Variants in WASF2 observed in about 807,000 individuals in gnomAD.
The protein encoded by WASF2 is actin-binding protein WASF2.
A neutral mutation model predicts 45.0 loss-of-function variants in WASF2; 14 were observed. That is an observed-to-expected ratio of 0.31 (90% CI 0.21 to 0.49). The LOEUF (loss-of-function observed/expected upper bound fraction) is 0.49, where lower values mean the gene tolerates loss of function less well. WASF2 is among the 20% of genes least tolerant of loss of function. WASF2 has a pLI of 0.99. For synonymous variants in WASF2, 200 were observed against 236.3 expected, an observed-to-expected ratio of 0.85 and a Z score of 1.41; for missense variants, 439 against 636.1, an observed-to-expected ratio of 0.69 and a Z score of 3.33.
rs2016865812 is a variant in WASF2, at chr1:27,419,048, C to T, written c.171G>A (p.Gln57=). The T allele has an allele frequency of 4.3e-6, 7 of 1,613,968 alleles. No homozygotes were observed. Among genetic ancestry groups the T allele is most frequent in the East Asian group, 2.2e-5 (1 of 44,896 alleles). Residue 57 remains glutamine, a synonymous_variant, in exon 3 of 9, where the codon CAG becomes CAA. Coordinates refer to ENST00000618852, the MANE Select transcript of WASF2 (RefSeq NM_006990.5). ...TTACCCGAGAGGCAAAGGTATTTGC[C>T]TGAGTAAAGAGCTCTCCAAAAATGT... ...AEDIFGELFT[Q]ANTFASRVSS... is the part of the protein sequence containing the mutation.
At chr1:27,438,639 C>T (rs924697338) in intron 1 of WASF2, among the ~76,000 whole-genome samples, 1 of 152,228 alleles carries the variant, frequency 6.6e-6, no homozygotes, top group Non-Finnish European at 1.5e-5. Context: ...CAGGGCAATA[C>T]ACAAACACAC....
chr1:27,460,009 CA>C (rs1295669496), intron 1 of WASF2, among the ~76,000 whole-genome samples: 1 of 152,226 alleles, frequency 6.6e-6, no homozygotes, highest in Non-Finnish European at 1.5e-5. Context: ...TGAGATAACA[CA>C]TATGCTTTGA....
In WASF2 at chr1:27,406,494, C is replaced by A. The variant is rs2016677666; in HGVS notation, c.*1695G>T. ...CCGGAGGGCTTTATGAGGGCTTTGG[C>A]AATTACTACAACCATTTGCTGTGCT... On this transcript the variant is annotated 3_prime_UTR_variant, in exon 9 of 9. Transcript: ENST00000618852. 1 of 152,656 alleles carries A rather than the reference C, an allele frequency of 6.6e-6. No homozygotes were observed. The highest frequency in any genetic ancestry group is 2.4e-5 in the African/African-American group (1 of 41,440). 9.5% of individuals were successfully genotyped at this position (152,656 alleles called of 1,614,324 possible). A position where few individuals can be genotyped will look rare whatever the true frequency, so the allele number is the denominator to read the frequency against.
rs568049799 is a variant in WASF2 at position 27,421,362 on chromosome 1, C to G, written c.131-2274G>C. ...TGCAACATTATGTGTGGAAAACAAA[C>G]CAAGCTCAAAAATATCTGTTAAAAA... On this transcript the variant is annotated intron_variant, in intron 2 of 8. Coordinates refer to ENST00000618852, the MANE Select transcript of WASF2 (RefSeq NM_006990.5). Among the ~76,000 whole-genome samples, 4 of 152,256 alleles carry G rather than the reference C, an allele frequency of 2.6e-5. No individual in the cohort carries two copies. In the South Asian group the frequency reaches 8.3e-4, roughly 32 times the overall value.
At chr1:27,439,023 T>C (rs2017173768) in intron 1 of WASF2, among the ~76,000 whole-genome samples, 1 of 152,182 alleles carries the variant, frequency 6.6e-6, no homozygotes, top group Non-Finnish European at 1.5e-5. Flanking sequence ...CTTTCCTTTC[T>C]AACCTCAGTT....
intron 1 of WASF2, among the ~76,000 whole-genome samples, chr1:27,439,371 C>G (rs887771592): frequency 6.6e-6 from 1 of 152,210 alleles, no homozygotes; most frequent in African/African-American, 2.4e-5. Flanking sequence ...TGATTGACAT[C>G]TATCTAGCAC....
intron 1 of WASF2, chr1:27,457,439 T>C (rs1271829863): frequency 6.6e-6 from 1 of 152,016 alleles, no homozygotes; most frequent in Non-Finnish European, 1.5e-5. Context: ...TAGTCAGGCA[T>C]GGTGGCTGAC....
chr1:27,451,592 G>C (rs2017384039), intron 1 of WASF2, among the ~76,000 whole-genome samples: 1 of 152,180 alleles, frequency 6.6e-6, no homozygotes, highest in Non-Finnish European at 1.5e-5. Flanking sequence ...TTTGCATTTA[G>C]AAAGCTCTCT....
intron 1 of WASF2, among the ~76,000 whole-genome samples, chr1:27,444,465 T>C (rs140304877): frequency 7.9e-5 from 12 of 152,342 alleles, no homozygotes; most frequent in African/African-American, 2.4e-4. Context: ...CAGTAACTGA[T>C]AGCTCTCATT....
At chr1:27,461,624 A>G (rs1004344090) in intron 1 of WASF2, among the ~76,000 whole-genome samples, 1 of 151,410 alleles carries the variant, frequency 6.6e-6, no homozygotes, top group Non-Finnish European at 1.5e-5. Flanking sequence ...CACCACGCCC[A>G]GCTAATTTTT....
intron 1 of WASF2, among the ~76,000 whole-genome samples, chr1:27,460,108 T>A (rs1044843908): frequency 6.6e-6 from 1 of 152,196 alleles, no homozygotes; most frequent in African/African-American, 2.4e-5. Context: ...CTATAGGAAG[T>A]TGATGACAGT....
chr1:27,466,671 A>T lies in WASF2; in HGVS notation c.-44+23315T>A, dbSNP rs939514496. On this transcript the variant is annotated intron_variant, in intron 1 of 8. Transcript: ENST00000618852. The stretch of plus-strand genomic sequence containing the variant: ...TGGCTTGAGGCCAGGAGTTCAAGAT[A>T]AGCCTGGGCAACATAATGAAGCCCG... Among the ~76,000 whole-genome samples the T allele has an allele frequency of 5.3e-5, 8 of 152,050 alleles. No homozygotes were observed. The East Asian group carries it at 1.5e-3, about 29-fold the overall frequency.
chr1:27,463,220 A>C (rs994568232), intron 1 of WASF2, among the ~76,000 whole-genome samples: 1 of 152,242 alleles, frequency 6.6e-6, no homozygotes, highest in Non-Finnish European at 1.5e-5. Flanking sequence ...TATTTTAATG[A>C]AAATCTGTAA....
At chr1:27,480,922 C>A (rs2017839118) in intron 1 of WASF2, among the ~76,000 whole-genome samples, 1 of 151,046 alleles carries the variant, frequency 6.6e-6, no homozygotes, top group Non-Finnish European at 1.5e-5. Context: ...CCTGTAGTCC[C>A]AATTACTCGG....
chr1:27,411,787 CG>C (rs1335846314), intron 7 of WASF2, among the ~76,000 whole-genome samples: 1 of 152,186 alleles, frequency 6.6e-6, no homozygotes, highest in Admixed American at 6.5e-5. Flanking sequence ...GGCATGAACC[CG>C]GGAGGCGGAG....
intron 1 of WASF2, among the ~76,000 whole-genome samples, chr1:27,441,821 G>T (rs1483672775): frequency 6.6e-6 from 1 of 151,296 alleles, no homozygotes; most frequent in Non-Finnish European, 1.5e-5. Context: ...AGCTACTCGG[G>T]AGGCTGAGGC....
chr1:27,434,682 C>G (rs1033684322), intron 1 of WASF2, among the ~76,000 whole-genome samples: 3 of 152,166 alleles, frequency 2.0e-5, no homozygotes, highest in African/African-American at 7.2e-5. Context: ...CAAAGAAAAA[C>G]TGTATTTTGG....
intron 1 of WASF2, among the ~76,000 whole-genome samples, chr1:27,436,875 G>A (rs1386976476): frequency 2.6e-5 from 4 of 152,172 alleles, no homozygotes; most frequent in African/African-American, 9.7e-5. Flanking sequence ...GAGAAAAAGG[G>A]CTTACTTGTG....
intron 5 of WASF2, among the ~76,000 whole-genome samples, chr1:27,415,291 A>G (rs1211425707): frequency 6.6e-6 from 1 of 152,216 alleles, no homozygotes; most frequent in Non-Finnish European, 1.5e-5. Flanking sequence ...CTCAGCCCCA[A>G]AGGTCAGTCA....
Sources: gnomAD v4.1 joint callset for allele counts (sites outside exome capture counted in the v4.1 genomes callset) on GRCh38, gnomAD v4.1.1 for gene constraint, MANE v1.5 for transcripts, NCBI Gene and HGNC (gene_info 2026-07-23, HGNC 2026-07-21) for gene names.